Variants in ABAT observed in about 807,000 individuals in gnomAD.
The protein encoded by ABAT is 4-aminobutyrate aminotransferase, mitochondrial.
A neutral mutation model predicts 64.6 loss-of-function variants in ABAT; 45 were observed. The ratio of observed to expected loss-of-function variants is 0.70; its 90% confidence interval spans 0.55 to 0.89. The LOEUF is 0.89. ABAT is among the 40% of genes least tolerant of loss of function. ABAT has a pLI of 0.00. For synonymous variants in ABAT, 297 were observed against 250.5 expected (o/e 1.19, Z -1.75); for missense variants, 633 against 658.4 (o/e 0.96, Z 0.42).
chr16:8,743,563 C>T (rs1613314), intron 2 of ABAT, among the ~76,000 whole-genome samples: 113,087 of 141,986 alleles, frequency 0.8, 45,001 homozygotes, highest in Admixed American at 0.82. Context: ...GTAATATATA[C>T]TTTAGTTTTA....
chr16:8,698,852 A>T (rs1477830780), intron 1 of ABAT, among the ~76,000 whole-genome samples: 1 of 152,170 alleles, frequency 6.6e-6, no homozygotes, highest in Admixed American at 6.5e-5. Flanking sequence ...AGGCTGAGGC[A>T]CAAGAATCAC....
At chr16:8,728,487 T>C (rs935248299) in intron 1 of ABAT, among the ~76,000 whole-genome samples, 1 of 152,166 alleles carries the variant, frequency 6.6e-6, no homozygotes, top group Non-Finnish European at 1.5e-5. Context: ...AGACATGAAC[T>C]GCACTTTCTA....
intron 6 of ABAT, among the ~76,000 whole-genome samples, chr16:8,761,114 A>T (rs1181953383): frequency 6.6e-6 from 1 of 151,364 alleles, no homozygotes; most frequent in East Asian, 2.0e-4. Flanking sequence ...TATCCCAGAA[A>T]ACAAAGGCCC....
chr16:8,771,137 A>G (rs2060093950), intron 11 of ABAT, among the ~76,000 whole-genome samples: 2 of 152,156 alleles, frequency 1.3e-5, no homozygotes, highest in South Asian at 4.1e-4. Flanking sequence ...CTCTACTAAA[A>G]ATACAAAATT....
At chr16:8,728,709 A>G (rs553522110) in intron 1 of ABAT, among the ~76,000 whole-genome samples, 1 of 152,168 alleles carries the variant, frequency 6.6e-6, no homozygotes, top group South Asian at 2.1e-4. Context: ...CCTCATTTCT[A>G]CTAAAAATAC....
rs1488878044 is a variant in ABAT, at chr16:8,772,906, A to G, written c.943A>G (p.Ile315Val). The change falls in exon 12 of 16, where the codon ATC (isoleucine) becomes GTC (valine). Residue 315 changes from isoleucine (I) to valine (V), a missense_variant. Physicochemically the swap from Ile to Val is conservative, Grantham distance 29. Coordinates refer to ENST00000268251, the MANE Select transcript of ABAT (RefSeq NM_020686.6). ...TGACTTCTTTCGGAAGCTGAGAGAC[A>G]TCGCCAGGAAGGTCAGTGGACAGGG... ...SDDFFRKLRD[I>V]ARKHGCAFLV... 1.2e-6 allele frequency: 2 copies of G among 1,613,830 alleles called. No individual in the cohort carries two copies. Among genetic ancestry groups the G allele is most frequent in the Non-Finnish European group, 1.7e-6 (2 of 1,180,006 alleles).
rs774327698 is a variant in ABAT, at chr16:8,773,105, T to TATACAC, written c.954+189_954+190insTACACA. Among the ~76,000 whole-genome samples, 183 of 109,026 alleles carry TATACAC rather than the reference T, an allele frequency of 1.7e-3. 2 individuals are homozygous for TATACAC. The highest frequency in any genetic ancestry group is 2.8e-3 in the Non-Finnish European group (150 of 54,138). 71.5% of individuals were successfully genotyped at this position (109,026 alleles called of 152,430 possible). ...GAATGGGGATTCTTCCCTAAAACTA[T>TATACAC]ACACACACACACACACACACACACA... On this transcript the variant is annotated intron_variant, in intron 12 of 15. Coordinates refer to ENST00000268251, the MANE Select transcript of ABAT (RefSeq NM_020686.6).
At chr16:8,738,648 G>A (rs1241709318) in intron 2 of ABAT, among the ~76,000 whole-genome samples, 2 of 132,870 alleles carry the variant, frequency 1.5e-5, no homozygotes, top group East Asian at 4.6e-4. Context: ...TGGTGTGTGT[G>A]TATGTGTGTC....
At chr16:8,774,821 C>T (rs1205310803) in intron 12 of ABAT, 69 bp from the exon 13 acceptor site, 7 of 1,592,624 alleles carry the variant, frequency 4.4e-6, no homozygotes, top group Non-Finnish European at 6.0e-6. Flanking sequence ...AGTTAGCTGG[C>T]TATGGAGGGC....
At chr16:8,722,944 A>G in intron 1 of ABAT, 1 of 1,120,902 alleles carries the variant, frequency 8.9e-7, no homozygotes, top group African/African-American at 1.6e-5. Context: ...GGGCCTTAGA[A>G]ACAATGTGAT....
chr16:8,738,475 T>G (rs1389579671), intron 2 of ABAT: 1 of 455,928 alleles, frequency 2.2e-6, no homozygotes, highest in Non-Finnish European at 4.4e-6. Context: ...TGCATTGATT[T>G]GTCTCATCTT....
chr16:8,722,789 G>A lies in ABAT; in HGVS notation c.-41-12910G>A, dbSNP rs985780006. 2.6e-5 allele frequency: 33 copies of A among 1,288,400 alleles called. No individual in the cohort carries two copies. In the East Asian group the frequency reaches 3.9e-4, roughly 15 times the overall value. The allele number at this position is 1,288,400 out of a possible 1,614,324, so 79.8% of individuals were successfully genotyped here. A position where few individuals can be genotyped will look rare whatever the true frequency, so the allele number is the denominator to read the frequency against. ...CAGATGCGCCCATCCAGGGTCTAGC[G>A]GATTGCAAAGGGCCTGGTAGAATCA... On this transcript the variant is annotated intron_variant, in intron 1 of 15. Coordinates refer to ENST00000268251, the MANE Select transcript of ABAT (RefSeq NM_020686.6).
chr16:8,679,765 C>G (rs986472320), intron 1 of ABAT, among the ~76,000 whole-genome samples: 1 of 152,074 alleles, frequency 6.6e-6, no homozygotes, highest in South Asian at 2.1e-4. Flanking sequence ...GCTTAGCAGG[C>G]TGAATCAGTT....
intron 6 of ABAT, among the ~76,000 whole-genome samples, chr16:8,763,046 C>T (rs1454268088): frequency 1.3e-5 from 2 of 148,922 alleles, no homozygotes; most frequent in Non-Finnish European, 3.0e-5. Flanking sequence ...GAGGTTGAGG[C>T]TGCAGTAAGC....
At chr16:8,761,008 A>G (rs1279105773) in intron 6 of ABAT, among the ~76,000 whole-genome samples, 1 of 152,120 alleles carries the variant, frequency 6.6e-6, no homozygotes, top group Non-Finnish European at 1.5e-5. Flanking sequence ...GAGCCCAGGA[A>G]GTCATTGCAG....
intron 1 of ABAT, among the ~76,000 whole-genome samples, chr16:8,725,368 A>G (rs2058519670): frequency 6.6e-6 from 1 of 152,020 alleles, no homozygotes; most frequent in Admixed American, 6.6e-5. Context: ...TTAAGCAGTC[A>G]TCTCTCATTC....
intron 2 of ABAT, 129 bp from the exon 3 acceptor site, chr16:8,745,872 G>A (rs2059313348): frequency 1.2e-6 from 1 of 812,674 alleles, no homozygotes; most frequent in South Asian, 1.4e-5. Context: ...AGTGTTCTGG[G>A]GTGGTCTGGC....
In ABAT at chr16:8,739,576, C is replaced by T. The variant is rs141574858; in HGVS notation, c.70+3767C>T. Reference sequence around the variant, plus strand: ...CTACTAAAAATACAAAAATTAGCTGCGCATGGTGGTGTGCACCTGTAATCC... The same window carrying T: ...CTACTAAAAATACAAAAATTAGCTGTGCATGGTGGTGTGCACCTGTAATCC... On this transcript the variant is annotated intron_variant, in intron 2 of 15. Coordinates refer to ENST00000268251, the MANE Select transcript of ABAT (RefSeq NM_020686.6). Among the ~76,000 whole-genome samples, 351 of 151,918 alleles carry T rather than the reference C, an allele frequency of 2.3e-3. 1 individual carries two copies. Among genetic ancestry groups the T allele is most frequent in the African/African-American group, 7.6e-3 (315 of 41,436 alleles).
chr16:8,767,690 T>G (rs933612785), intron 9 of ABAT, among the ~76,000 whole-genome samples: 15 of 152,184 alleles, frequency 9.9e-5, no homozygotes, highest in African/African-American at 3.6e-4. Flanking sequence ...TGCAACTTGT[T>G]TTGAGACAGA....
Sources: allele counts gnomAD v4.1 joint callset (sites outside exome capture counted in the v4.1 genomes callset), GRCh38; gene constraint gnomAD v4.1.1; transcripts MANE v1.5; gene names NCBI Gene and HGNC (gene_info 2026-07-23, HGNC 2026-07-21).